The following TBC1D7 variants were observed in gnomAD, a reference collection of about 807,000 sequenced individuals.
TBC1D7 encodes TBC domain family 7.
TBC1D7 carries 33 observed loss-of-function variants against 35.3 expected under a neutral mutation model. The observed-to-expected ratio is 0.93, with a 90% CI of 0.71 to 1.25. The LOEUF is 1.25. Among genes scored for constraint, TBC1D7 ranks in the 50% most tolerant of loss-of-function variants. TBC1D7 has a pLI of 0.00. For missense variants in TBC1D7, 362 were observed against 365.3 expected (o/e 0.99, Z 0.07); for synonymous variants, 135 against 129.5 (o/e 1.04, Z -0.29).
Position 13,321,069 on chromosome 6 carries a change from G to A in TBC1D7, c.220C>T (p.His74Tyr). Reference protein sequence around the residue: ...LGILPPHHESHAKVMMYRKEQ... With the variant: ...LGILPPHHESYAKVMMYRKEQ... Reference sequence around the variant, plus strand: ...TTACGATACATCATCACCTTGGCATGGGACTCGTGGTGTGGAGGCAAGATT... The same window carrying A: ...TTACGATACATCATCACCTTGGCATAGGACTCGTGGTGTGGAGGCAAGATT... Residue 74 changes from histidine (H) to tyrosine (Y), a missense_variant, in exon 4 of 8, where the codon CAT (histidine) becomes TAT (tyrosine). His to Tyr is a moderately conservative substitution (Grantham distance 83, BLOSUM62 2). Coordinates refer to ENST00000379300, the MANE Select transcript of TBC1D7 (RefSeq NM_016495.6). 1.2e-6 allele frequency: 2 copies of A among 1,613,424 alleles called. No homozygotes were observed. Among genetic ancestry groups the A allele is most frequent in the Non-Finnish European group, 1.7e-6 (2 of 1,179,534 alleles).
chr6:13,305,846 A>G (rs984677542), intron 7 of TBC1D7: 1 of 159,472 alleles, frequency 6.3e-6, no homozygotes, highest in Non-Finnish European at 1.4e-5. Context: ...CACCAGAGAC[A>G]GTAACAGAAA....
intron 5 of TBC1D7, among the ~76,000 whole-genome samples, chr6:13,308,366 T>C (rs1782957111): frequency 6.6e-6 from 1 of 152,176 alleles, no homozygotes; most frequent in Non-Finnish European, 1.5e-5. Context: ...AACTCTGTAT[T>C]CAACATAAAT....
chr6:13,327,628 C>T (rs1784485642), intron 1 of TBC1D7: 1 of 152,184 alleles, frequency 6.6e-6, no homozygotes, highest in Admixed American at 6.5e-5. Flanking sequence ...AGCCAATTGA[C>T]AGTGATCCCA....
In TBC1D7 at chr6:13,326,822, T is replaced by C; in HGVS notation, c.77A>G (p.Lys26Arg). The C allele has an allele frequency of 6.2e-7, 1 of 1,613,310 alleles. No individual in the cohort carries two copies. Among genetic ancestry groups the C allele is most frequent in the Non-Finnish European group, 8.5e-7 (1 of 1,179,716 alleles). The change falls in exon 2 of 8, where the codon AAA becomes AGA. Residue 26 changes from lysine (K) to arginine (R), a missense_variant. Coordinates refer to ENST00000379300, the MANE Select transcript of TBC1D7 (RefSeq NM_016495.6). ...KVGFRGVEEK[K>R]SLEILLKDDR... Reference sequence around the variant, plus strand: ...ATCTTTTAGGAGAATTTCTAATGATTTCTTTTCTTCAACTCCACGAAACCC... The same window carrying C: ...ATCTTTTAGGAGAATTTCTAATGATCTCTTTTCTTCAACTCCACGAAACCC...
chr6:13,320,805 G>A (rs1340564722), intron 4 of TBC1D7, 103 bp downstream of exon 4: 1 of 1,051,714 alleles, frequency 9.5e-7, no homozygotes, highest in Non-Finnish European at 1.5e-6. Flanking sequence ...ATAACAACAG[G>A]GAGCCACCAA....
At chr6:13,327,159 G>A (rs550899425) in intron 1 of TBC1D7, among the ~76,000 whole-genome samples, 2 of 152,268 alleles carry the variant, frequency 1.3e-5, no homozygotes, top group East Asian at 3.9e-4. Flanking sequence ...GATGGCACAA[G>A]GTTTATGCAC....
chr6:13,327,051 T>C (rs1784449650), intron 1 of TBC1D7, 145 bp from the exon 2 acceptor site: 1 of 512,158 alleles, frequency 2.0e-6, no homozygotes, highest in Non-Finnish European at 3.4e-6. Flanking sequence ...GGACCCAATA[T>C]TAAATTTTTC....
chr6:13,317,087 A>G (rs574999585), intron 4 of TBC1D7, among the ~76,000 whole-genome samples: 1 of 152,344 alleles, frequency 6.6e-6, no homozygotes, highest in Non-Finnish European at 1.5e-5. Context: ...ACCATCAGTA[A>G]CTGGAGACAT....
At chr6:13,312,298 A>C (rs1220210653) in intron 5 of TBC1D7, among the ~76,000 whole-genome samples, 2 of 152,210 alleles carry the variant, frequency 1.3e-5, no homozygotes, top group South Asian at 4.1e-4. Context: ...GTTGCAGGTA[A>C]GCGTAAGAGT....
At chr6:13,307,041 C>CTAAAA (rs1782855412) in intron 6 of TBC1D7, 1 of 154,476 alleles carries the variant, frequency 6.5e-6, no homozygotes, top group Admixed American at 6.4e-5. Flanking sequence ...CTGATCATTC[C>CTAAAA]TGTAACTCCT....
At chr6:13,305,902 C>A (rs760910549) in intron 7 of TBC1D7, 1 of 161,634 alleles carries the variant, frequency 6.2e-6, no homozygotes, top group East Asian at 1.9e-4. Flanking sequence ...CCCTTTTGAA[C>A]TGACAAAAAT....
intron 7 of TBC1D7, chr6:13,305,898 T>A (rs1434221553): frequency 6.2e-6 from 1 of 162,268 alleles, no homozygotes; most frequent in East Asian, 1.9e-4. Context: ...GAACCCCTTT[T>A]GAACTGACAA....
chr6:13,306,305 T>G (rs553253152), intron 7 of TBC1D7, 93 bp downstream of exon 7: 12 of 1,182,130 alleles, frequency 1.0e-5, no homozygotes, highest in African/African-American at 9.6e-5. Flanking sequence ...AATCATGTAA[T>G]TATTTCTCTG....
chr6:13,306,613 A>G, intron 6 of TBC1D7, 86 bp from the exon 7 acceptor site: 1 of 1,102,676 alleles, frequency 9.1e-7, no homozygotes. Context: ...AATAAAATCA[A>G]ATTGCTCCAA....
At position 13,316,554 on chromosome 6, in the gene TBC1D7, A is replaced by G. The variant is rs1349026896; in HGVS notation, c.519+17T>C. On this transcript the variant is annotated intron_variant, in intron 5 of 7. Coordinates refer to ENST00000379300, the MANE Select transcript of TBC1D7 (RefSeq NM_016495.6). ...TTGTTCACTCTCCAATAGCCAAAAA[A>G]AAAAAAAAGCCCTCACCAACTGGGG... The G allele has an allele frequency of 4.4e-6, 7 of 1,586,258 alleles. No homozygotes were observed. The East Asian group carries it at 8.9e-5, about 20-fold the overall frequency.
Position 13,320,978 on chromosome 6 carries a change from T to C in TBC1D7, c.311A>G (p.Gln104Arg). Residue 104 changes from glutamine to arginine, a missense_variant, in exon 4 of 8, where the codon CAG becomes CGG. Physicochemically the swap from Gln to Arg is conservative, Grantham distance 43. Transcript: ENST00000379300. ...ATACATGCGGAGATAGACTTCAGCCTGAGGTGTGGCATCACTAACAAAGCG... is the reference window on the plus strand; with the variant it reads ...ATACATGCGGAGATAGACTTCAGCCCGAGGTGTGGCATCACTAACAAAGCG... ...VVRFVSDATP[Q>R]AEVYLRMYQL... 1.2e-6 allele frequency: 2 copies of C among 1,614,220 alleles called. No homozygotes were observed. The highest frequency in any genetic ancestry group is 1.7e-6 in the Non-Finnish European group (2 of 1,180,038).
Position 13,305,167 on chromosome 6 carries a change from G to A in TBC1D7, c.816C>T (p.Asp272=), listed in dbSNP as rs201688871. The A allele has an allele frequency of 6.4e-5, 103 of 1,614,162 alleles. No individual in the cohort carries two copies. The East Asian group carries it at 1.8e-3, about 28-fold the overall frequency. Residue 272 remains aspartate (D), a synonymous_variant, in exon 8 of 8, where the codon GAC becomes GAT. Transcript: ENST00000379300. ...FLENIPQDSS[D]AIVSKAIDLW... ...AGTCAATGGCCTTGCTCACGATCGC[G>A]TCTGAGCTGTCCTGGGGAATCTGTG...
intron 4 of TBC1D7, 63 bp from the exon 5 acceptor site, chr6:13,316,771 A>G: frequency 6.4e-7 from 1 of 1,567,884 alleles, no homozygotes; most frequent in South Asian, 1.2e-5. Context: ...ATATTTCTTT[A>G]ATAAAAAATG....
chr6:13,306,434 C>A lies in TBC1D7; in HGVS notation c.759G>T (p.Leu253=). The A allele has an allele frequency of 1.2e-6, 2 of 1,608,258 alleles. No individual in the cohort carries two copies. Among genetic ancestry groups the A allele is most frequent in the South Asian group, 2.2e-5 (2 of 89,956 alleles). The stretch of plus-strand genomic sequence containing the variant: ...ACTTTGTTATCTTCTCTGCACTGTT[C>A]AGTGCCATAACTTTTATTTTAAAGG... ...LLTFKIKVMA[L]NSAEKITKFL... is the part of the protein sequence containing the mutation. The change falls in exon 7 of 8, where the codon CTG becomes CTT. Residue 253 remains leucine (L), a synonymous_variant. Transcript: ENST00000379300.
Sources: gnomAD v4.1 joint callset for allele counts (sites outside exome capture counted in the v4.1 genomes callset) on GRCh38, gnomAD v4.1.1 for gene constraint, MANE v1.5 for transcripts, NCBI Gene and HGNC (gene_info 2026-07-23, HGNC 2026-07-21) for gene names.